The following TBCD variants were observed in gnomAD, a reference collection of about 807,000 sequenced individuals.
TBCD encodes the protein tubulin folding cofactor D, also known as tubulin-specific chaperone D.
Under a neutral mutation model 169.3 loss-of-function variants are expected in TBCD, and 105 were observed. That is an observed-to-expected ratio of 0.62 (90% CI 0.53 to 0.73). The LOEUF is 0.73. Among genes scored for constraint, TBCD ranks in the 30% least tolerant of loss-of-function variants. TBCD has a pLI of 0.00. For synonymous variants in TBCD, 700 were observed against 643.9 expected, an observed-to-expected ratio of 1.09 and a Z score of -1.32; for missense variants, 1,444 against 1,600.1, an observed-to-expected ratio of 0.90 and a Z score of 1.66.
rs778649930 is a variant in TBCD, at chr17:82,831,230, T to G, written c.1318+16296T>G. 5.0e-6 allele frequency: 8 copies of G among 1,613,942 alleles called. No individual in the cohort carries two copies. The South Asian group carries it at 8.8e-5, about 18-fold the overall frequency. On this transcript the variant is annotated intron_variant, in intron 13 of 38. Transcript: ENST00000355528. The surrounding 1 kb of genome is among the most constrained non-coding windows in gnomAD (Gnocchi z 4.6). ...GGGCTCGGCCTCCCTGGGGAGCCCG[T>G]GGCTGCACTCCCTGCGCGGGGGCTC...
chr17:82,860,304 C>G (rs1488262587), intron 13 of TBCD: 1 of 938,558 alleles, frequency 1.1e-6, no homozygotes, highest in African/African-American at 1.8e-5. Flanking sequence ...GCATGGCGGT[C>G]ACGCTGCGCT....
intron 7 of TBCD, chr17:82,795,613 C>T (rs1323036661): frequency 1.0e-6 from 1 of 985,418 alleles, no homozygotes; most frequent in Non-Finnish European, 1.2e-6. Context: ...GATGAGATTT[C>T]AGCCGCTCGC....
At chr17:82,803,371 A>G (rs2050716320) in intron 9 of TBCD, among the ~76,000 whole-genome samples, 1 of 152,166 alleles carries the variant, frequency 6.6e-6, no homozygotes, top group South Asian at 2.1e-4. Flanking sequence ...ACAGTCTCCA[A>G]GTTCTCTGCG....
chr17:82,915,591 A>G lies in TBCD; in HGVS notation c.2038+3802A>G, dbSNP rs1463951839. Among the ~76,000 whole-genome samples, 1 of 152,208 alleles carries G rather than the reference A, an allele frequency of 6.6e-6. No homozygotes were observed. The highest frequency in any genetic ancestry group is 2.4e-5 in the African/African-American group (1 of 41,462). On this transcript the variant is annotated intron_variant, in intron 23 of 38. Transcript: ENST00000355528. This position sits in a 1 kb window ranked among gnomAD's most constrained non-coding sequence, Gnocchi z 4.3. ...GCGATGAAGGAGGGGTTTGTCAGTCAGGGTGGACTGCGTTTTGCTCTTGAA... is the reference window on the plus strand; with the variant it reads ...GCGATGAAGGAGGGGTTTGTCAGTCGGGGTGGACTGCGTTTTGCTCTTGAA...
intron 13 of TBCD, among the ~76,000 whole-genome samples, chr17:82,853,732 CAG>C (rs752565680): frequency 6.6e-6 from 1 of 152,098 alleles, no homozygotes; most frequent in Non-Finnish European, 1.5e-5. Flanking sequence ...CGTGTTTTCT[CAG>C]TGTATTCTTT....
At chr17:82,875,675 C>G (rs1294966682) in intron 14 of TBCD, among the ~76,000 whole-genome samples, 1 of 152,234 alleles carries the variant, frequency 6.6e-6, no homozygotes, top group Non-Finnish European at 1.5e-5. Context: ...CCTGGAAAAT[C>G]AGGAAATGGC....
chr17:82,889,701 T>TG lies in TBCD; in HGVS notation c.1563+6dup, dbSNP rs766843308. 5.0e-6 allele frequency: 8 copies of TG among 1,613,500 alleles called. No homozygotes were observed. The South Asian group carries it at 7.7e-5, about 16-fold the overall frequency. On this transcript the variant is annotated splice_donor_region_variant and intron_variant, in intron 16 of 38. Coordinates refer to ENST00000355528, the MANE Select transcript of TBCD (RefSeq NM_005993.5). This position sits in a 1 kb window ranked among gnomAD's most constrained non-coding sequence, Gnocchi z 5.3. Reference sequence around the variant, plus strand: ...CCAGGAGAATGTGGGGAGACAGGTATGGCTGCTTTCAAACACCTTTATTCC... The same window carrying TG: ...CCAGGAGAATGTGGGGAGACAGGTATGGGCTGCTTTCAAACACCTTTATTCC...
intron 34 of TBCD, among the ~76,000 whole-genome samples, chr17:82,933,489 A>G (rs1327805094): frequency 1.3e-5 from 2 of 151,928 alleles, no homozygotes; most frequent in Non-Finnish European, 2.9e-5. Flanking sequence ...CCTGGCCCCA[A>G]GTGCCTGCCT....
At chr17:82,759,434 C>T (rs1363622545) in intron 2 of TBCD, among the ~76,000 whole-genome samples, 3 of 152,048 alleles carry the variant, frequency 2.0e-5, no homozygotes, top group Non-Finnish European at 4.4e-5. Context: ...TAGCAGTGAA[C>T]GAGATCGTGC....
At chr17:82,758,400 A>AAAAAAAAAAAAAAAAAAAAAAAAT (rs1035939621) in intron 2 of TBCD, among the ~76,000 whole-genome samples, 12 of 100,050 alleles carry the variant, frequency 1.2e-4, no homozygotes, top group Non-Finnish European at 1.7e-4. Context: ...AAAAAAAAAA[A>AAAAAAAAAAAAAAAAAAAAAAAAT]AAATAAATAA....
At chr17:82,914,633 G>C (rs747702077) in intron 23 of TBCD, among the ~76,000 whole-genome samples, 1 of 152,196 alleles carries the variant, frequency 6.6e-6, no homozygotes, top group Non-Finnish European at 1.5e-5. Context: ...CCCTCCCTGG[G>C]GGCCCCTTGG....
At chr17:82,826,995 TCCTGA>T (rs2052907535) in intron 13 of TBCD, among the ~76,000 whole-genome samples, 1 of 152,110 alleles carries the variant, frequency 6.6e-6, no homozygotes, top group Non-Finnish European at 1.5e-5. Context: ...GGTCTCAAAC[TCCTGA>T]CCTCAAGCAA....
chr17:82,798,389 AC>A (rs2050263580), intron 8 of TBCD, among the ~76,000 whole-genome samples: 1 of 152,008 alleles, frequency 6.6e-6, no homozygotes, highest in Non-Finnish European at 1.5e-5. Context: ...CTTGAGATCC[AC>A]CTGCCTCGGC....
chr17:82,806,379 T>TA lies in TBCD; in HGVS notation c.1087+369dup, dbSNP rs1220502187. The stretch of plus-strand genomic sequence containing the variant: ...GGCCCCTAAACCCTGCTCAGTTCCT[T>TA]ACCTCAGGAGCCATTTCAAACTCCC... On this transcript the variant is annotated intron_variant, in intron 10 of 38. Transcript: ENST00000355528. This position sits in a 1 kb window ranked among gnomAD's most constrained non-coding sequence, Gnocchi z 5.1. Among the ~76,000 whole-genome samples, 1 of 152,040 alleles carries TA rather than the reference T, an allele frequency of 6.6e-6. No homozygotes were observed. Among genetic ancestry groups the TA allele is most frequent in the Non-Finnish European group, 1.5e-5 (1 of 67,988 alleles).
chr17:82,899,245 C>T (rs558254710), intron 17 of TBCD, among the ~76,000 whole-genome samples: 213 of 146,718 alleles, frequency 1.5e-3, no homozygotes, highest in African/African-American at 4.6e-3. Context: ...ATGTCCTCAG[C>T]GCACGTGTCC....
At chr17:82,844,967 G>A (rs962667182) in intron 13 of TBCD, among the ~76,000 whole-genome samples, 1 of 152,102 alleles carries the variant, frequency 6.6e-6, no homozygotes, top group African/African-American at 2.4e-5. Flanking sequence ...AGCCCAGAGG[G>A]CGATGAGCAG....
In TBCD at chr17:82,864,784, A is replaced by G. The variant is rs2057032002; in HGVS notation, c.1319-5440A>G. On this transcript the variant is annotated intron_variant, in intron 13 of 38. Transcript: ENST00000355528. The surrounding 1 kb of genome is among the most constrained non-coding windows in gnomAD (Gnocchi z 6.3). ...TGATGCATATCCGGGCGCCCACCCTAGCAGCACAGGAAGGGCTGGGATCAC... is the reference window on the plus strand; with the variant it reads ...TGATGCATATCCGGGCGCCCACCCTGGCAGCACAGGAAGGGCTGGGATCAC... Among the ~76,000 whole-genome samples, 1 of 149,944 alleles carries G rather than the reference A, an allele frequency of 6.7e-6. No individual in the cohort carries two copies. The highest frequency in any genetic ancestry group is 2.1e-4 in the South Asian group (1 of 4,708).
chr17:82,766,266 G>A lies in TBCD; in HGVS notation c.334-1G>A, dbSNP rs2048011058. On this transcript the variant is annotated splice_acceptor_variant, in intron 3 of 38. Transcript: ENST00000355528. LOFTEE classifies it high-confidence loss of function. ...TAATTCAGCATCTCTTTATTTGATA[G>A]GTTCGAGGCTATAAAACATTTCTTC... 6.2e-7 allele frequency: 1 copy of A among 1,606,196 alleles called. No homozygotes were observed. The highest frequency in any genetic ancestry group is 1.3e-5 in the African/African-American group (1 of 74,810).
Position 82,937,903 on chromosome 17 carries a change from A to G in TBCD, c.3282-146A>G, listed in dbSNP as rs1210694467. 3 of 1,530,760 alleles carry G rather than the reference A, an allele frequency of 2.0e-6. No individual in the cohort carries two copies. The Admixed American group carries it at 5.9e-5, about 30-fold the overall frequency. The allele number at this position is 1,530,760 out of a possible 1,614,324, so 94.8% of individuals were successfully genotyped here. ...GCACAGTGCAGATGTACGCACACACACACCTCCGGCTTGGGGCCCCAGGCC... is the reference window on the plus strand; with the variant it reads ...GCACAGTGCAGATGTACGCACACACGCACCTCCGGCTTGGGGCCCCAGGCC... On this transcript the variant is annotated intron_variant, in intron 35 of 38. Coordinates refer to ENST00000355528, the MANE Select transcript of TBCD (RefSeq NM_005993.5).
Sources: gnomAD v4.1 joint callset for allele counts (sites outside exome capture counted in the v4.1 genomes callset) on GRCh38, gnomAD v4.1.1 for gene constraint, Gnocchi (gnomAD v3.1) non-coding constraint, MANE v1.5 for transcripts, NCBI Gene and HGNC (gene_info 2026-07-23, HGNC 2026-07-21) for gene names.